The following CNOT2 variants were observed in gnomAD, a reference collection of about 807,000 sequenced individuals.
The protein encoded by CNOT2 is CC chemokine receptor 4-negative regulator of transcription 2.
A neutral mutation model predicts 72.1 loss-of-function variants in CNOT2; 7 were observed. The observed-to-expected ratio is 0.10, with a 90% CI of 0.06 to 0.18. The LOEUF (loss-of-function observed/expected upper bound fraction) is 0.18. Ranked by LOEUF, CNOT2 falls within the 10% of genes least tolerant of loss-of-function variation. The pLI is 1.00. For missense variants in CNOT2, 345 were observed against 660.3 expected (o/e 0.52, Z 5.23); for synonymous variants, 196 against 225.6 (o/e 0.87, Z 1.17).
chr12:70,341,067 G>C (rs1380355980), intron 11 of CNOT2, among the ~76,000 whole-genome samples: 1 of 151,862 alleles, frequency 6.6e-6, no homozygotes, highest in Non-Finnish European at 1.5e-5. Context: ...ATTTTTAGTA[G>C]AGACGGGATT....
chr12:70,263,824 C>G (rs995383258), intron 1 of CNOT2, among the ~76,000 whole-genome samples: 2 of 152,080 alleles, frequency 1.3e-5, no homozygotes, highest in African/African-American at 4.8e-5. Flanking sequence ...GATCTTTCTT[C>G]TCCTTTGTGC....
chr12:70,319,030 G>A, intron 3 of CNOT2: 1 of 269,048 alleles, frequency 3.7e-6, no homozygotes, highest in Non-Finnish European at 7.0e-6. Context: ...AAGTGAAAGA[G>A]TAGTGCTGCT....
intron 3 of CNOT2, among the ~76,000 whole-genome samples, chr12:70,314,950 G>T (rs1209076844): frequency 6.6e-6 from 1 of 151,934 alleles, no homozygotes. Flanking sequence ...AGCAACCTCC[G>T]CCTCCTGGGT....
intron 2 of CNOT2, chr12:70,307,861 C>T (rs555245388): frequency 6.6e-6 from 1 of 151,772 alleles, no homozygotes; most frequent in African/African-American, 2.4e-5. Context: ...CGTTTTATAC[C>T]CTCTTTAGCC....
At chr12:70,268,050 A>G (rs1028353129) in intron 1 of CNOT2, among the ~76,000 whole-genome samples, 6 of 152,180 alleles carry the variant, frequency 3.9e-5, no homozygotes, top group African/African-American at 1.4e-4. Flanking sequence ...GTACACACAC[A>G]TATTTTCCAT....
At chr12:70,284,075 G>A (rs1426846152) in intron 2 of CNOT2, among the ~76,000 whole-genome samples, 1 of 150,668 alleles carries the variant, frequency 6.6e-6, no homozygotes, top group Non-Finnish European at 1.5e-5. Context: ...CTGAGTAGCT[G>A]GGATTACAGG....
At chr12:70,305,429 G>A (rs1271871144) in intron 2 of CNOT2, among the ~76,000 whole-genome samples, 1 of 152,218 alleles carries the variant, frequency 6.6e-6, no homozygotes, top group Non-Finnish European at 1.5e-5. Context: ...TACAGTTCAA[G>A]GTGATATTTG....
intron 1 of CNOT2, among the ~76,000 whole-genome samples, chr12:70,275,153 GTTTTCTTTTCTTTTC>G (rs560632604): frequency 1.3e-5 from 2 of 151,952 alleles, no homozygotes; most frequent in Admixed American, 6.6e-5. Flanking sequence ...TTTGTAGATA[GTTTTCTTTTCTTTTC>G]TATACTTTAA....
At chr12:70,257,454 G>T (rs1487602855) in intron 1 of CNOT2, among the ~76,000 whole-genome samples, 2 of 147,484 alleles carry the variant, frequency 1.4e-5, no homozygotes, top group Non-Finnish European at 1.5e-5. Flanking sequence ...TCCGCCTTCC[G>T]GGTTCACGCC....
intron 2 of CNOT2, among the ~76,000 whole-genome samples, chr12:70,306,823 G>A (rs1875487899): frequency 6.6e-6 from 1 of 152,184 alleles, no homozygotes; most frequent in Non-Finnish European, 1.5e-5. Context: ...TACATTCTGA[G>A]AAATGCGTCA....
chr12:70,336,705 A>G (rs1880753741), intron 8 of CNOT2: 1 of 151,858 alleles, frequency 6.6e-6, no homozygotes, highest in South Asian at 2.1e-4. Context: ...TTCAGACTCT[A>G]ATGTTTTTAA....
At chr12:70,272,807 C>T (rs762794072) in intron 1 of CNOT2, among the ~76,000 whole-genome samples, 1 of 152,124 alleles carries the variant, frequency 6.6e-6, no homozygotes, top group Non-Finnish European at 1.5e-5. Context: ...GTAACACTTC[C>T]TCCCATATTC....
At chr12:70,258,636 A>G (rs1185528216) in intron 1 of CNOT2, among the ~76,000 whole-genome samples, 2 of 152,270 alleles carry the variant, frequency 1.3e-5, no homozygotes, top group African/African-American at 2.4e-5. Context: ...AATAAAATCT[A>G]TATAGATACA....
chr12:70,279,201 C>T (rs1195289468), intron 2 of CNOT2, among the ~76,000 whole-genome samples: 1 of 152,148 alleles, frequency 6.6e-6, no homozygotes, highest in Non-Finnish European at 1.5e-5. Flanking sequence ...TGTTTATCTG[C>T]TAACCATTTA....
intron 2 of CNOT2, among the ~76,000 whole-genome samples, 170 bp from the exon 3 acceptor site, chr12:70,310,725 T>C (rs1305328299): frequency 6.6e-6 from 1 of 152,128 alleles, no homozygotes; most frequent in Non-Finnish European, 1.5e-5. Flanking sequence ...TCTAACACTT[T>C]ATTGTTATAA....
intron 7 of CNOT2, among the ~76,000 whole-genome samples, chr12:70,333,719 A>G (rs919667568): frequency 2.6e-5 from 4 of 152,114 alleles, no homozygotes; most frequent in Middle Eastern, 3.4e-3. Flanking sequence ...AGCAGCATAG[A>G]TTAATCACAC....
chr12:70,253,965 G>T (rs567404210), intron 1 of CNOT2, among the ~76,000 whole-genome samples: 1 of 152,102 alleles, frequency 6.6e-6, no homozygotes, highest in Non-Finnish European at 1.5e-5. Flanking sequence ...TAGGCCAGGC[G>T]CAGTGGCTCA....
chr12:70,292,459 C>T (rs1799675935), intron 2 of CNOT2, among the ~76,000 whole-genome samples: 1 of 152,186 alleles, frequency 6.6e-6, no homozygotes, highest in South Asian at 2.1e-4. Context: ...GATGACTTCA[C>T]ACCTGAAGTA....
intron 3 of CNOT2, among the ~76,000 whole-genome samples, chr12:70,313,097 C>T (rs2135962950): frequency 6.6e-6 from 1 of 152,076 alleles, no homozygotes; most frequent in Non-Finnish European, 1.5e-5. Context: ...TGCTAATAGA[C>T]AAGCTTATTG....
Sources: gnomAD v4.1 joint callset for allele counts (sites outside exome capture counted in the v4.1 genomes callset) on GRCh38, gnomAD v4.1.1 for gene constraint, MANE v1.5 for transcripts, NCBI Gene and HGNC (gene_info 2026-07-23, HGNC 2026-07-21) for gene names.